PIP5K1B: variants seen among roughly 807,000 people sequenced by gnomAD.
PIP5K1B encodes the protein phosphatidylinositol 4-phosphate 5-kinase type-1 beta.
PIP5K1B carries 42 observed loss-of-function variants against 67.0 expected under a neutral mutation model. The ratio of observed to expected loss-of-function variants is 0.63; its 90% CI spans 0.49 to 0.81. The LOEUF is 0.81. PIP5K1B is among the 30% of genes least tolerant of loss of function. The pLI is 0.00. For missense variants in PIP5K1B, 459 were observed against 646.3 expected (o/e 0.71, Z 3.14); for synonymous variants, 214 against 231.4 (o/e 0.92, Z 0.68).
intron 14 of PIP5K1B, 96 bp downstream of exon 14, chr9:68,940,886 C>G (rs1827527167): frequency 9.1e-7 from 1 of 1,097,514 alleles, no homozygotes; most frequent in Non-Finnish European, 1.4e-6. Flanking sequence ...TCTCTAACAA[C>G]CAGGATGTGC....
intron 15 of PIP5K1B, among the ~76,000 whole-genome samples, chr9:69,006,082 G>A (rs931676306): frequency 1.3e-5 from 2 of 151,874 alleles, no homozygotes; most frequent in Non-Finnish European, 2.9e-5. Flanking sequence ...GTAGAGACAG[G>A]GTCTCACTAT....
chr9:68,936,306 A>C, intron 13 of PIP5K1B, among the ~76,000 whole-genome samples: 1 of 152,116 alleles, frequency 6.6e-6, no homozygotes, highest in East Asian at 1.9e-4. Flanking sequence ...TTGAAAAAGA[A>C]GTTTGCTGTA....
At chr9:68,987,752 G>A (rs537403492) in intron 14 of PIP5K1B, among the ~76,000 whole-genome samples, 1 of 152,194 alleles carries the variant, frequency 6.6e-6, no homozygotes, top group South Asian at 2.1e-4. Context: ...CTTCTTACAT[G>A]GCAGTGGCGA....
rs564624883 is a variant in PIP5K1B, at chr9:68,893,923, T to TA, written c.472-415dup. Among the ~76,000 whole-genome samples, 38 of 152,356 alleles carry TA rather than the reference T, an allele frequency of 2.5e-4. No individual in the cohort carries two copies. In the South Asian group the frequency reaches 7.7e-3, roughly 31 times the overall value. On this transcript the variant is annotated intron_variant, in intron 7 of 15. Coordinates refer to ENST00000265382, the MANE Select transcript of PIP5K1B (RefSeq NM_003558.4). ...TAATGGGAAAATCTATGTACAGTCT[T>TA]ACATAGTGTGGTTGTAAATTGGTCT...
intron 1 of PIP5K1B, among the ~76,000 whole-genome samples, chr9:68,737,127 TA>T (rs1828777182): frequency 6.6e-6 from 1 of 152,216 alleles, no homozygotes; most frequent in African/African-American, 2.4e-5. Context: ...CAAATACAGT[TA>T]AATTATTGGT....
chr9:68,721,841 G>A (rs1000540309), intron 1 of PIP5K1B, among the ~76,000 whole-genome samples: 2 of 152,054 alleles, frequency 1.3e-5, no homozygotes, highest in Admixed American at 6.5e-5. Flanking sequence ...GTAAGAAGAA[G>A]ACAGAAGATC....
At chr9:68,987,558 T>A (rs1449798347) in intron 14 of PIP5K1B, among the ~76,000 whole-genome samples, 2 of 152,286 alleles carry the variant, frequency 1.3e-5, no homozygotes, top group East Asian at 3.9e-4. Context: ...CGAGACTCCA[T>A]CTCAAAATAA....
chr9:68,763,763 C>A (rs1314518493), intron 2 of PIP5K1B, among the ~76,000 whole-genome samples: 2 of 152,070 alleles, frequency 1.3e-5, no homozygotes, highest in Non-Finnish European at 2.9e-5. Context: ...AAAATAGAAA[C>A]CACTCAGCAT....
intron 15 of PIP5K1B, among the ~76,000 whole-genome samples, chr9:68,998,592 A>T (rs898856481): frequency 2.0e-5 from 3 of 152,124 alleles, no homozygotes; most frequent in African/African-American, 7.2e-5. Context: ...TCTTGGGAAT[A>T]GTGTTTGAGG....
chr9:68,936,679 A>G (rs1004123351), intron 13 of PIP5K1B, among the ~76,000 whole-genome samples: 12 of 152,058 alleles, frequency 7.9e-5, no homozygotes, highest in Non-Finnish European at 1.5e-4. Flanking sequence ...TCATCTTCCC[A>G]TAAACCAACT....
chr9:68,839,716 C>G (rs80309194), intron 4 of PIP5K1B, among the ~76,000 whole-genome samples: 2,773 of 152,226 alleles, frequency 0.018, 85 homozygotes, highest in African/African-American at 0.061. Flanking sequence ...TCCCACCGGC[C>G]CTTCAAGCCT....
intron 2 of PIP5K1B, among the ~76,000 whole-genome samples, chr9:68,774,586 C>T (rs1206009609): frequency 1.3e-5 from 2 of 152,100 alleles, no homozygotes; most frequent in African/African-American, 4.8e-5. Flanking sequence ...TAATGTTTTC[C>T]ATATGTGTAC....
intron 14 of PIP5K1B, among the ~76,000 whole-genome samples, chr9:68,977,458 G>T (rs1829683006): frequency 6.6e-6 from 1 of 152,202 alleles, no homozygotes; most frequent in Non-Finnish European, 1.5e-5. Flanking sequence ...GGGAGGCAGA[G>T]GTTGCAGTGA....
intron 2 of PIP5K1B, chr9:68,789,438 A>G: frequency 2.1e-6 from 1 of 484,598 alleles, no homozygotes; most frequent in Non-Finnish European, 4.2e-6. Flanking sequence ...ACTCTGACAA[A>G]TAGAGGGGAG....
At chr9:68,758,684 A>G (rs1231004741) in intron 2 of PIP5K1B, among the ~76,000 whole-genome samples, 1 of 152,140 alleles carries the variant, frequency 6.6e-6, no homozygotes, top group Non-Finnish European at 1.5e-5. Flanking sequence ...GAGGAAAAAA[A>G]GTATGGCACT....
At chr9:68,868,244 T>G (rs12003854) in intron 5 of PIP5K1B, among the ~76,000 whole-genome samples, 2,718 of 152,208 alleles carry the variant, frequency 0.018, 73 homozygotes, top group African/African-American at 0.058. Context: ...CATGCATTGA[T>G]AGGATAAAGA....
At chr9:68,841,398 T>C (rs1821912331) in intron 4 of PIP5K1B, among the ~76,000 whole-genome samples, 1 of 152,238 alleles carries the variant, frequency 6.6e-6, no homozygotes, top group South Asian at 2.1e-4. Context: ...CTTTGGTGTT[T>C]ACAGAAGCAG....
chr9:68,844,637 A>T (rs1022702243), intron 4 of PIP5K1B, among the ~76,000 whole-genome samples: 1 of 151,914 alleles, frequency 6.6e-6, no homozygotes, highest in South Asian at 2.1e-4. Context: ...GGGAGAGCCA[A>T]AGGTGTTTGT....
At chr9:68,798,664 A>T (rs953339155) in intron 2 of PIP5K1B, among the ~76,000 whole-genome samples, 1 of 152,302 alleles carries the variant, frequency 6.6e-6, no homozygotes, top group South Asian at 2.1e-4. Flanking sequence ...GCAACAGACC[A>T]CACGGGGTCT....
Sources: gnomAD v4.1 joint callset for allele counts (sites outside exome capture counted in the v4.1 genomes callset) on GRCh38, gnomAD v4.1.1 for gene constraint, MANE v1.5 for transcripts, NCBI Gene and HGNC (gene_info 2026-07-23, HGNC 2026-07-21) for gene names.